Variants in TNFRSF19 observed in about 807,000 individuals in gnomAD.
TNFRSF19 encodes the protein TNF receptor superfamily member 19.
TNFRSF19 carries 27 observed loss-of-function variants against 46.4 expected under a neutral mutation model. That is an observed-to-expected ratio of 0.58 (90% CI 0.43 to 0.80). The LOEUF (loss-of-function observed/expected upper bound fraction) is 0.80, where lower values mean the gene tolerates loss of function less well. TNFRSF19 is among the 30% of genes least tolerant of loss of function. TNFRSF19 has a pLI of 0.00. For synonymous variants in TNFRSF19, 204 were observed against 205.0 expected (o/e 1.00, Z 0.04); for missense variants, 511 against 530.8 (o/e 0.96, Z 0.37).
intron 9 of TNFRSF19, among the ~76,000 whole-genome samples, chr13:23,671,707 A>G (rs1469448943): frequency 6.6e-6 from 1 of 152,046 alleles, no homozygotes; most frequent in Non-Finnish European, 1.5e-5. Context: ...TAATTTTCCA[A>G]CTAGAGGACA....
intron 9 of TNFRSF19, 111 bp from the exon 10 acceptor site, chr13:23,673,261 C>G: frequency 8.7e-7 from 1 of 1,154,726 alleles, no homozygotes; most frequent in Non-Finnish European, 1.2e-6. Flanking sequence ...ATTATTATAT[C>G]CATGTATACT....
chr13:23,618,912 CT>C (rs1881478428), intron 4 of TNFRSF19, among the ~76,000 whole-genome samples: 2 of 152,124 alleles, frequency 1.3e-5, no homozygotes, highest in East Asian at 1.9e-4. Context: ...GAATTTGTTC[CT>C]TTTTTATTTG....
chr13:23,611,555 C>T (rs922312706), intron 3 of TNFRSF19, among the ~76,000 whole-genome samples: 4 of 152,046 alleles, frequency 2.6e-5, no homozygotes, highest in Non-Finnish European at 1.5e-5. Context: ...GGACAGGGCC[C>T]AACAGAGAGT....
At chr13:23,596,437 G>A (rs1879732138) in intron 3 of TNFRSF19, among the ~76,000 whole-genome samples, 1 of 152,210 alleles carries the variant, frequency 6.6e-6, no homozygotes, top group Non-Finnish European at 1.5e-5. Flanking sequence ...AAAAAAGCAG[G>A]GGTTGCAATC....
At chr13:23,653,923 T>C (rs1883810525) in intron 5 of TNFRSF19, among the ~76,000 whole-genome samples, 1 of 152,148 alleles carries the variant, frequency 6.6e-6, no homozygotes. Context: ...GGAGTGTGCC[T>C]GGCAGCTGGT....
At chr13:23,610,155 G>T (rs1174239971) in intron 3 of TNFRSF19, among the ~76,000 whole-genome samples, 2 of 152,176 alleles carry the variant, frequency 1.3e-5, no homozygotes, top group Non-Finnish European at 2.9e-5. Flanking sequence ...TAACGCACTG[G>T]CTGTACAAAT....
intron 1 of TNFRSF19, among the ~76,000 whole-genome samples, chr13:23,572,123 GTTTA>G (rs1452934344): frequency 6.6e-6 from 1 of 152,010 alleles, no homozygotes; most frequent in East Asian, 1.9e-4. Context: ...AATTAGCATT[GTTTA>G]TTTAATTTTA....
At chr13:23,661,310 C>T (rs369672657) in intron 7 of TNFRSF19, among the ~76,000 whole-genome samples, 65 of 152,212 alleles carry the variant, frequency 4.3e-4, no homozygotes, top group African/African-American at 1.4e-3. Flanking sequence ...TTTCTGTTCC[C>T]GCCTTAGTTT....
At chr13:23,622,503 C>T (rs1002720685) in intron 4 of TNFRSF19, among the ~76,000 whole-genome samples, 2 of 152,086 alleles carry the variant, frequency 1.3e-5, no homozygotes, top group Admixed American at 6.5e-5. Flanking sequence ...TCTCATGGTC[C>T]TCAAACTTTT....
At position 23,590,361 on chromosome 13, in the gene TNFRSF19, G is replaced by C. The variant is rs182567651; in HGVS notation, c.69+109G>C. The stretch of plus-strand genomic sequence containing the variant: ...TATTTTTTATTTTTTTTGAGACAGA[G>C]TCTTGCTCTTTTGCTCAGGCTGGAG... On this transcript the variant is annotated intron_variant, in intron 2 of 9. Transcript: ENST00000248484. The C allele has an allele frequency of 5.9e-4, 390 of 663,836 alleles. 3 individuals carry two copies. In the African/African-American group the frequency reaches 6.4e-3, roughly 11 times the overall value. 41.1% of individuals were successfully genotyped at this position (663,836 alleles called of 1,614,324 possible). A position where few individuals can be genotyped will look rare whatever the true frequency, so the allele number is the denominator to read the frequency against.
chr13:23,585,280 G>A (rs1878740549), intron 1 of TNFRSF19, among the ~76,000 whole-genome samples: 1 of 151,606 alleles, frequency 6.6e-6, no homozygotes, highest in South Asian at 2.1e-4. Flanking sequence ...TCAAGAGATA[G>A]GAAAAAAACA....
chr13:23,652,453 A>G (rs1262813026), intron 5 of TNFRSF19, among the ~76,000 whole-genome samples: 1 of 152,212 alleles, frequency 6.6e-6, no homozygotes, highest in Non-Finnish European at 1.5e-5. Context: ...TACATTTGGC[A>G]TATAATAAGA....
intron 1 of TNFRSF19, among the ~76,000 whole-genome samples, chr13:23,586,543 C>T (rs947880865): frequency 6.6e-6 from 1 of 152,232 alleles, no homozygotes; most frequent in East Asian, 1.9e-4. Context: ...AAGCCCAGAG[C>T]TGCCCTTCCC....
chr13:23,629,174 C>T (rs1484357012), intron 5 of TNFRSF19, among the ~76,000 whole-genome samples: 3 of 150,724 alleles, frequency 2.0e-5, no homozygotes, highest in African/African-American at 7.3e-5. Flanking sequence ...TGCTTAGATT[C>T]TCAGCTAGAA....
intron 8 of TNFRSF19, 58 bp downstream of exon 8, chr13:23,668,140 C>T (rs1369338235): frequency 7.3e-7 from 1 of 1,377,318 alleles, no homozygotes; most frequent in African/African-American, 1.4e-5. Flanking sequence ...ATGCATTCTA[C>T]TAATTTACCG....
At position 23,668,005 on chromosome 13, in the gene TNFRSF19, G is replaced by A. The variant is rs1946775407; in HGVS notation, c.762G>A (p.Met254Ile). 6.8e-6 allele frequency: 11 copies of A among 1,609,718 alleles called. No homozygotes were observed. The highest frequency in any genetic ancestry group is 9.3e-6 in the Non-Finnish European group (11 of 1,178,256). ...GGCCGGTGCGCTTGCTCCCATCCAT[G>A]TGCTGTGAGGAGGCCTGCAGCCCCA... ...TCGPVRLLPS[M>I]CCEEACSPNP... The change falls in exon 8 of 10, where the codon ATG becomes ATA. Residue 254 changes from methionine (M) to isoleucine (I), a missense_variant. By Grantham distance (10) the Met-to-Ile change is conservative (BLOSUM62 1). This residue lies in a region of TNFRSF19 where 376 missense variants were observed against 372.7 expected (regional missense o/e 1.01). Coordinates refer to ENST00000248484, the MANE Select transcript of TNFRSF19 (RefSeq NM_148957.4).
Position 23,668,119 on chromosome 13 carries a change from C to T in TNFRSF19, c.839+37C>T, listed in dbSNP as rs1264583785. The T allele has an allele frequency of 6.5e-6, 10 of 1,527,132 alleles. No individual in the cohort carries two copies. The South Asian group carries it at 1.2e-4, about 19-fold the overall frequency. 94.6% of individuals were successfully genotyped at this position (1,527,132 alleles called of 1,614,324 possible). A position where few individuals can be genotyped will look rare whatever the true frequency, so the allele number is the denominator to read the frequency against. ...CTTTCAATCAATCATTTCATAACCC[C>T]CTGTGCAAATATGCATTCTACTAAT... On this transcript the variant is annotated intron_variant, in intron 8 of 9. Coordinates refer to ENST00000248484, the MANE Select transcript of TNFRSF19 (RefSeq NM_148957.4).
chr13:23,605,121 A>T (rs1010602296), intron 3 of TNFRSF19, among the ~76,000 whole-genome samples: 2 of 152,238 alleles, frequency 1.3e-5, no homozygotes, highest in African/African-American at 4.8e-5. Flanking sequence ...CTGAGAAAAC[A>T]AACAAATCCA....
intron 5 of TNFRSF19, among the ~76,000 whole-genome samples, chr13:23,632,648 T>G (rs1005657219): frequency 3.3e-5 from 5 of 152,214 alleles, no homozygotes; most frequent in African/African-American, 1.2e-4. Context: ...ATAGTGGTAG[T>G]CAAAGGTTGC....
Sources: gnomAD v4.1 joint callset for allele counts (sites outside exome capture counted in the v4.1 genomes callset) on GRCh38, gnomAD v4.1.1 for gene constraint, gnomAD v4.1.1 regional missense constraint, MANE v1.5 for transcripts, NCBI Gene and HGNC (gene_info 2026-07-23, HGNC 2026-07-21) for gene names.